The following ARHGAP6 variants were observed in gnomAD, a reference collection of about 807,000 sequenced individuals.
ARHGAP6 encodes rho GTPase-activating protein 6.
ARHGAP6 carries 16 observed loss-of-function variants against 55.7 expected under a neutral mutation model. That is an observed-to-expected ratio of 0.29 (90% confidence interval 0.19 to 0.44). ARHGAP6 has a LOEUF of 0.44. Ranked by LOEUF, ARHGAP6 falls within the 20% of genes least tolerant of loss-of-function variation. The pLI, the probability that ARHGAP6 is intolerant of heterozygous loss-of-function variation, is 1.00. For missense variants in ARHGAP6, 698 were observed against 808.9 expected (o/e 0.86, Z 1.66); for synonymous variants, 382 against 360.9 (o/e 1.06, Z -0.66).
At chrX:11,215,180 G>T (rs899523328) in intron 2 of ARHGAP6, among the ~76,000 whole-genome samples, 1 of 112,789 alleles carries the variant, frequency 8.9e-6, no homozygotes, top group Non-Finnish European at 1.9e-5. Flanking sequence ...GTCACCGGAG[G>T]TCCCCTGGGC....
chrX:11,544,860 T>C (rs1389955248), intron 1 of ARHGAP6, among the ~76,000 whole-genome samples: 2 of 112,790 alleles, frequency 1.8e-5, no homozygotes, highest in African/African-American at 6.4e-5. Context: ...AACGCAAGTC[T>C]TCTAATAGGG....
intron 1 of ARHGAP6, among the ~76,000 whole-genome samples, chrX:11,349,584 C>A (rs895087905): frequency 1.4e-4 from 16 of 111,598 alleles, no homozygotes; most frequent in African/African-American, 5.2e-4. Context: ...TTCTTCAGAT[C>A]TAAATAAAAT....
chrX:11,589,009 T>C (rs1020674159), intron 1 of ARHGAP6, among the ~76,000 whole-genome samples: 2 of 109,965 alleles, frequency 1.8e-5, no homozygotes, highest in Non-Finnish European at 3.8e-5. Context: ...TATCTGTATG[T>C]GGGATAACAA....
intron 1 of ARHGAP6, among the ~76,000 whole-genome samples, chrX:11,458,935 G>C (rs2050218609): frequency 9.0e-6 from 1 of 111,056 alleles, no homozygotes; most frequent in South Asian, 3.8e-4. Flanking sequence ...AAGAGGAGGT[G>C]GGATGGGGTG....
intron 1 of ARHGAP6, among the ~76,000 whole-genome samples, chrX:11,347,340 G>A (rs769493053): frequency 8.9e-6 from 1 of 111,986 alleles, no homozygotes; most frequent in East Asian, 2.8e-4. Context: ...AATGTTTGGG[G>A]AAATTTTAAG....
intron 1 of ARHGAP6, among the ~76,000 whole-genome samples, chrX:11,588,973 T>C (rs762811212): frequency 3.7e-4 from 41 of 111,814 alleles, no homozygotes; most frequent in African/African-American, 1.3e-3. Flanking sequence ...CTGTATTCTA[T>C]TGTTTGTCTG....
chrX:11,266,425 C>T lies in ARHGAP6; in HGVS notation c.589-11718G>A, dbSNP rs771777307. Among the ~76,000 whole-genome samples the T allele has an allele frequency of 2.7e-5, 3 of 111,774 alleles. No homozygotes were observed. In the South Asian group the frequency reaches 1.1e-3, roughly 42 times the overall value. On this transcript the variant is annotated intron_variant, in intron 1 of 12. Transcript: ENST00000337414. ...ATTTTTCTAACACTAGCCACACACA[C>T]TAAAAAGCAAAAGTTTTCATTCTCT...
rs764615158 is a variant in ARHGAP6, at chrX:11,204,307, T to A, written c.749-7311A>T. Among the ~76,000 whole-genome samples, 4 of 111,714 alleles carry A rather than the reference T, an allele frequency of 3.6e-5. No individual in the cohort carries two copies. In the South Asian group the frequency reaches 1.5e-3, roughly 42 times the overall value. The stretch of plus-strand genomic sequence containing the variant: ...AAATAATCTTGAAAGAATGAATGGA[T>A]GGGGATTGGTTTTGGTGAGACACTA... On this transcript the variant is annotated intron_variant, in intron 2 of 12. Transcript: ENST00000337414.
chrX:11,299,205 A>G (rs753643916), intron 1 of ARHGAP6, among the ~76,000 whole-genome samples: 1 of 111,964 alleles, frequency 8.9e-6, no homozygotes, highest in South Asian at 3.8e-4. Context: ...TTTTACTATT[A>G]CTGAATTTCT....
At chrX:11,626,296 A>G (rs1422233270) in intron 1 of ARHGAP6, among the ~76,000 whole-genome samples, 1 of 111,896 alleles carries the variant, frequency 8.9e-6, no homozygotes, top group Non-Finnish European at 1.9e-5. Flanking sequence ...CAAATAAATA[A>G]CCATCAGAGA....
chrX:11,546,019 T>C (rs2051208979), intron 1 of ARHGAP6, among the ~76,000 whole-genome samples: 1 of 110,489 alleles, frequency 9.1e-6, no homozygotes, highest in Non-Finnish European at 1.9e-5. Context: ...AGTCCTGCCT[T>C]CAAAATAATA....
intron 2 of ARHGAP6, among the ~76,000 whole-genome samples, chrX:11,210,060 A>G (rs1016709951): frequency 1.8e-5 from 2 of 112,859 alleles, no homozygotes; most frequent in Non-Finnish European, 3.7e-5. Context: ...GCAAGTGGCA[A>G]TGACCATCCC....
intron 12 of ARHGAP6, among the ~76,000 whole-genome samples, chrX:11,140,497 T>C (rs1011948029): frequency 9.2e-6 from 1 of 108,353 alleles, no homozygotes; most frequent in Non-Finnish European, 1.9e-5. Flanking sequence ...TTCCCTTAAC[T>C]ACCAGCCCAG....
At chrX:11,235,787 T>A (rs1015740630) in intron 2 of ARHGAP6, among the ~76,000 whole-genome samples, 8 of 111,343 alleles carry the variant, frequency 7.2e-5, no homozygotes, top group African/African-American at 2.6e-4. Context: ...ATTCCTCATC[T>A]CCATCTAAGA....
chrX:11,285,409 C>T (rs1001880490), intron 1 of ARHGAP6, among the ~76,000 whole-genome samples: 1 of 111,562 alleles, frequency 9.0e-6, no homozygotes, highest in African/African-American at 3.3e-5. Flanking sequence ...CTGATAAAAA[C>T]AAGAGCTACA....
chrX:11,237,380 G>A (rs1025831587), intron 2 of ARHGAP6, among the ~76,000 whole-genome samples: 4 of 111,827 alleles, frequency 3.6e-5, no homozygotes, highest in African/African-American at 1.3e-4. Context: ...TTTATAAAAA[G>A]TTAAGTCCTA....
intron 8 of ARHGAP6, among the ~76,000 whole-genome samples, chrX:11,176,229 T>G (rs1213294151): frequency 3.0e-5 from 1 of 33,583 alleles, no homozygotes; most frequent in African/African-American, 1.3e-4. Flanking sequence ...TTAAGAGGAT[T>G]TGCATATATA....
intron 1 of ARHGAP6, among the ~76,000 whole-genome samples, chrX:11,347,432 T>C (rs1211117287): frequency 1.8e-5 from 2 of 111,953 alleles, no homozygotes; most frequent in Non-Finnish European, 3.8e-5. Flanking sequence ...TTACTGACAT[T>C]CTTTCTTTTG....
At chrX:11,258,486 G>GAA (rs199645948) in intron 1 of ARHGAP6, among the ~76,000 whole-genome samples, 1 of 110,804 alleles carries the variant, frequency 9.0e-6, no homozygotes, top group African/African-American at 3.3e-5. Flanking sequence ...ATTTTCTTTT[G>GAA]AAAAAACAGA....
Sources: gnomAD v4.1 joint callset for allele counts (sites outside exome capture counted in the v4.1 genomes callset) on GRCh38, gnomAD v4.1.1 for gene constraint, MANE v1.5 for transcripts, NCBI Gene and HGNC (gene_info 2026-07-23, HGNC 2026-07-21) for gene names.